The following LOC128125817 variants were observed in gnomAD, a reference collection of about 807,000 sequenced individuals.
chr1:41,612,849 G>A, the LOC128125817 span, among the ~76,000 whole-genome samples: 1 of 152,256 alleles, frequency 6.6e-6, no homozygotes, highest in Non-Finnish European at 1.5e-5. Flanking sequence ...GCATGGAAGA[G>A]ATGGGCAGAG....
chr1:41,623,988 C>T, the LOC128125817 span, among the ~76,000 whole-genome samples: 2 of 152,028 alleles, frequency 1.3e-5, no homozygotes, highest in Non-Finnish European at 2.9e-5. Context: ...TCTTCAAAGG[C>T]GCGGGCCAGA....
the LOC128125817 span, among the ~76,000 whole-genome samples, chr1:41,597,183 G>A: frequency 1.3e-5 from 2 of 152,096 alleles, no homozygotes; most frequent in Admixed American, 6.6e-5. Flanking sequence ...AATCCTAGAC[G>A]AGTTAGACCC....
the LOC128125817 span, among the ~76,000 whole-genome samples, chr1:41,619,850 G>T: frequency 3.6e-4 from 55 of 152,268 alleles, no homozygotes; most frequent in Non-Finnish European, 6.5e-4. Context: ...TAGGAAATTC[G>T]CAGAGGTAGC....
At chr1:41,600,676 G>C in the LOC128125817 span, among the ~76,000 whole-genome samples, 2 of 152,014 alleles carry the variant, frequency 1.3e-5, no homozygotes, top group Admixed American at 1.3e-4. Context: ...TAGTAAAGTT[G>C]GTCAATGTTA....
At chr1:41,607,205 T>C in the LOC128125817 span, among the ~76,000 whole-genome samples, 1 of 152,186 alleles carries the variant, frequency 6.6e-6, no homozygotes, top group Non-Finnish European at 1.5e-5. Context: ...CTGTGGCTTC[T>C]AGTTCTAGAT....
At chr1:41,594,664 A>G in the LOC128125817 span, among the ~76,000 whole-genome samples, 2 of 152,156 alleles carry the variant, frequency 1.3e-5, no homozygotes, top group African/African-American at 4.8e-5. Flanking sequence ...GATCCTTTAC[A>G]TATAGGTTGC....
the LOC128125817 span, among the ~76,000 whole-genome samples, chr1:41,627,461 G>A: frequency 3.3e-5 from 5 of 152,220 alleles, no homozygotes; most frequent in South Asian, 1.0e-3. Context: ...GTTCTTCCTT[G>A]GAATCCAGGG....
chr1:41,593,772 C>T, the LOC128125817 span, among the ~76,000 whole-genome samples: 1 of 152,234 alleles, frequency 6.6e-6, no homozygotes, highest in Non-Finnish European at 1.5e-5. Context: ...TGGCTTAATG[C>T]AAAATTTACT....
At chr1:41,598,222 A>C in the LOC128125817 span, among the ~76,000 whole-genome samples, 28 of 152,154 alleles carry the variant, frequency 1.8e-4, no homozygotes, top group Non-Finnish European at 3.7e-4. Flanking sequence ...GAGAGACCCA[A>C]ATTCCACATT....
At chr1:41,616,034 G>A in the LOC128125817 span, among the ~76,000 whole-genome samples, 1 of 152,034 alleles carries the variant, frequency 6.6e-6, no homozygotes, top group South Asian at 2.1e-4. Context: ...AAGGGGAGAA[G>A]AAATGACTGA....
chr1:41,592,382 T>C, the LOC128125817 span, among the ~76,000 whole-genome samples: 4 of 152,208 alleles, frequency 2.6e-5, no homozygotes, highest in Non-Finnish European at 5.9e-5. Context: ...TTTTGGATTT[T>C]GAAATCTAAG....
At chr1:41,603,250 T>C in the LOC128125817 span, among the ~76,000 whole-genome samples, 3 of 151,754 alleles carry the variant, frequency 2.0e-5, no homozygotes, top group African/African-American at 7.3e-5. Flanking sequence ...GTATCTTTAG[T>C]AGCGATGTGG....
At chr1:41,621,234 C>A in the LOC128125817 span, among the ~76,000 whole-genome samples, 1 of 152,250 alleles carries the variant, frequency 6.6e-6, no homozygotes. Flanking sequence ...CCCCCTTCAG[C>A]CTCCTGGCCC....
chr1:41,585,311 C>T, the LOC128125817 span: 3 of 399,066 alleles, frequency 7.5e-6, no homozygotes, highest in Non-Finnish European at 1.3e-5. Flanking sequence ...AGAAATCACG[C>T]TCTTCTTCTG....
At chr1:41,621,449 G>A in the LOC128125817 span, among the ~76,000 whole-genome samples, 82 of 152,244 alleles carry the variant, frequency 5.4e-4, no homozygotes, top group Admixed American at 3.3e-4. Flanking sequence ...GCCTGCAGCC[G>A]TGGCCAGACT....
chr1:41,596,936 C>T, the LOC128125817 span, among the ~76,000 whole-genome samples: 1 of 152,218 alleles, frequency 6.6e-6, no homozygotes, highest in Non-Finnish European at 1.5e-5. Context: ...AGTCACTCTG[C>T]ATGACCATGT....
chr1:41,597,949 T>C, the LOC128125817 span, among the ~76,000 whole-genome samples: 2 of 152,344 alleles, frequency 1.3e-5, no homozygotes, highest in Middle Eastern at 3.4e-3. Flanking sequence ...GTAATGTACA[T>C]AGCTAGCTAT....
the LOC128125817 span, among the ~76,000 whole-genome samples, chr1:41,615,413 C>T: frequency 3.3e-4 from 51 of 152,350 alleles, no homozygotes; most frequent in African/African-American, 1.1e-3. Flanking sequence ...TTCCCCATCA[C>T]ACCACGCAAG....
At chr1:41,624,301 C>T in the LOC128125817 span, among the ~76,000 whole-genome samples, 1 of 152,230 alleles carries the variant, frequency 6.6e-6, no homozygotes, top group African/African-American at 2.4e-5. Flanking sequence ...TTCAGAGGCT[C>T]TCCAAATGTT....
Sources: allele counts gnomAD v4.1 joint callset (sites outside exome capture counted in the v4.1 genomes callset), GRCh38; gene constraint gnomAD v4.1.1; transcripts MANE v1.5.